Variants in PDE5A observed in about 807,000 individuals in gnomAD.
PDE5A encodes cGMP-specific 3',5'-cyclic phosphodiesterase.
PDE5A carries 67 observed loss-of-function variants against 110.2 expected under a neutral mutation model. The ratio of observed to expected loss-of-function variants is 0.61; its 90% CI spans 0.50 to 0.75. The LOEUF (loss-of-function observed/expected upper bound fraction) is 0.75, where lower values mean the gene tolerates loss of function less well. PDE5A is among the 30% of genes least tolerant of loss of function. PDE5A has a pLI of 0.00. For synonymous variants in PDE5A, 328 were observed against 351.2 expected, an observed-to-expected ratio of 0.93 and a Z score of 0.74; for missense variants, 862 against 1,045.1, an observed-to-expected ratio of 0.82 and a Z score of 2.42.
chr4:119,625,166 T>C (rs548559115), intron 1 of PDE5A, among the ~76,000 whole-genome samples: 46 of 152,224 alleles, frequency 3.0e-4, no homozygotes, highest in African/African-American at 1.1e-3. Context: ...GGCTAATTTT[T>C]GTATTTTTAG....
At chr4:119,512,229 T>G (rs753482400) in intron 14 of PDE5A, 24 of 152,088 alleles carry the variant, frequency 1.6e-4, no homozygotes, top group Admixed American at 6.6e-5. Context: ...AAAATAAAGG[T>G]AATAGGACAG....
chr4:119,604,102 C>T (rs564240596), intron 2 of PDE5A, among the ~76,000 whole-genome samples: 21 of 152,196 alleles, frequency 1.4e-4, no homozygotes, highest in Non-Finnish European at 2.6e-4. Context: ...ATAACTCCTG[C>T]AAGGCTACTA....
In PDE5A at chr4:119,627,225, G is replaced by C. The variant is rs202119692; in HGVS notation, c.152+1295C>G. The C allele has an allele frequency of 5.6e-6, 9 of 1,610,728 alleles. No homozygotes were observed. Among genetic ancestry groups the C allele is most frequent in the African/African-American group, 1.3e-5 (1 of 74,808 alleles). On this transcript the variant is annotated intron_variant, in intron 1 of 20. Transcript: ENST00000354960. This position sits in a 1 kb window ranked among gnomAD's most constrained non-coding sequence, Gnocchi z 4.6. Reference sequence around the variant, plus strand: ...GAACTCCGCCGATCCTGGACTCCAGGAGGCTCCGTAGGGGCAACAACGCGC... The same window carrying C: ...GAACTCCGCCGATCCTGGACTCCAGCAGGCTCCGTAGGGGCAACAACGCGC...
intron 3 of PDE5A, among the ~76,000 whole-genome samples, chr4:119,579,260 T>C (rs1350163982): frequency 2.0e-5 from 3 of 152,026 alleles, no homozygotes; most frequent in Non-Finnish European, 4.4e-5. Flanking sequence ...ACTAGTTCAA[T>C]CATTGTGGAA....
intron 3 of PDE5A, among the ~76,000 whole-genome samples, chr4:119,583,661 T>C (rs1728663618): frequency 6.6e-6 from 1 of 152,192 alleles, no homozygotes; most frequent in East Asian, 1.9e-4. Flanking sequence ...ACTATAGGGT[T>C]ATCAACTGGC....
At chr4:119,618,275 G>A (rs994490079) in intron 1 of PDE5A, among the ~76,000 whole-genome samples, 4 of 152,104 alleles carry the variant, frequency 2.6e-5, no homozygotes, top group African/African-American at 4.8e-5. Context: ...ATTAAGTGGA[G>A]TATATTTTTT....
At chr4:119,499,303 T>C (rs572982126) in intron 20 of PDE5A, among the ~76,000 whole-genome samples, 1 of 152,214 alleles carries the variant, frequency 6.6e-6, no homozygotes, top group Non-Finnish European at 1.5e-5. Flanking sequence ...AGGTTGTCAC[T>C]GTAAAACCTC....
intron 3 of PDE5A, among the ~76,000 whole-genome samples, chr4:119,575,370 A>G (rs531408803): frequency 2.0e-4 from 31 of 152,348 alleles, no homozygotes; most frequent in Admixed American, 1.8e-3. Flanking sequence ...GAGCAACTCC[A>G]AGACACATAA....
chr4:119,521,182 A>G (rs1726115697), intron 12 of PDE5A, 122 bp from the exon 13 acceptor site: 7 of 1,015,268 alleles, frequency 6.9e-6, no homozygotes, highest in Non-Finnish European at 9.9e-6. Flanking sequence ...CATCTTACAG[A>G]CAAGAAAACT....
At chr4:119,545,585 A>G (rs940687317) in intron 9 of PDE5A, among the ~76,000 whole-genome samples, 1 of 152,224 alleles carries the variant, frequency 6.6e-6, no homozygotes, top group Admixed American at 6.5e-5. Flanking sequence ...GAGTTCATAA[A>G]GTACTCAGAA....
Position 119,519,114 on chromosome 4 carries a change from A to G in PDE5A, c.1931T>C (p.Leu644Pro). 5 of 1,613,788 alleles carry G rather than the reference A, an allele frequency of 3.1e-6. No individual in the cohort carries two copies. Among genetic ancestry groups the G allele is most frequent in the Non-Finnish European group, 4.2e-6 (5 of 1,179,692 alleles). The change falls in exon 14 of 21, where the codon CTT (leucine) becomes CCT (proline). Residue 644 changes from leucine to proline, a missense_variant. Coordinates refer to ENST00000354960, the MANE Select transcript of PDE5A (RefSeq NM_001083.4). ...IQNKLTDLEILALLIAALSHD... is the reference protein window; with the variant it reads ...IQNKLTDLEIPALLIAALSHD... ...GCTTAGTGCAGCAATCAGCAATGCA[A>G]GTATCTCCAGGTCAGTCAGCTTGTT...
chr4:119,606,675 A>G, intron 2 of PDE5A, 34 bp downstream of exon 2: 1 of 1,520,454 alleles, frequency 6.6e-7, no homozygotes, highest in Non-Finnish European at 9.1e-7. Flanking sequence ...TCCCCTCCCC[A>G]GCACTGGTCC....
At chr4:119,623,797 C>T (rs932440064) in intron 1 of PDE5A, among the ~76,000 whole-genome samples, 1 of 152,068 alleles carries the variant, frequency 6.6e-6, no homozygotes, top group Non-Finnish European at 1.5e-5. Context: ...TGAAAAAAAG[C>T]TACTGAATGA....
At chr4:119,528,301 G>A (rs6534139) in intron 11 of PDE5A, among the ~76,000 whole-genome samples, 39,958 of 151,930 alleles carry the variant, frequency 0.26, 5,383 homozygotes, top group East Asian at 0.38. Context: ...CTCTGGACAT[G>A]AAAAGTCACT....
intron 3 of PDE5A, among the ~76,000 whole-genome samples, chr4:119,586,452 TAAAGCA>T (rs1264730969): frequency 1.3e-5 from 2 of 152,220 alleles, no homozygotes; most frequent in Non-Finnish European, 2.9e-5. Context: ...TAACACTTGA[TAAAGCA>T]CTTTACCTAT....
At chr4:119,569,236 TC>T (rs1728055822) in intron 3 of PDE5A, among the ~76,000 whole-genome samples, 1 of 151,810 alleles carries the variant, frequency 6.6e-6, no homozygotes, top group South Asian at 2.1e-4. Flanking sequence ...AGATGAGGTC[TC>T]ACTATGCCCA....
At chr4:119,565,221 T>C in intron 5 of PDE5A, 100 bp downstream of exon 5, 1 of 752,356 alleles carries the variant, frequency 1.3e-6, no homozygotes, top group Non-Finnish European at 2.3e-6. Flanking sequence ...ACTGAATCTG[T>C]ACTATCTAAA....
At chr4:119,611,515 G>A (rs1279012569) in intron 1 of PDE5A, among the ~76,000 whole-genome samples, 1 of 152,164 alleles carries the variant, frequency 6.6e-6, no homozygotes, top group Non-Finnish European at 1.5e-5. Context: ...GGATGTGTAA[G>A]TCTCACAACT....
chr4:119,552,454 A>T (rs1461588209), intron 9 of PDE5A, 96 bp downstream of exon 9: 1 of 454,828 alleles, frequency 2.2e-6, no homozygotes, highest in African/African-American at 2.0e-5. Context: ...TATCTTTTTT[A>T]AAACATTTTA....
Sources: gnomAD v4.1 joint callset for allele counts (sites outside exome capture counted in the v4.1 genomes callset) on GRCh38, gnomAD v4.1.1 for gene constraint, Gnocchi (gnomAD v3.1) non-coding constraint, MANE v1.5 for transcripts, NCBI Gene and HGNC (gene_info 2026-07-23, HGNC 2026-07-21) for gene names.